Variants in CACNA1C observed in about 807,000 individuals in gnomAD.
The protein encoded by CACNA1C is voltage-dependent L-type calcium channel subunit alpha-1C.
CACNA1C carries 30 observed loss-of-function variants against 229.0 expected under a neutral mutation model. That is an observed-to-expected ratio of 0.13 (90% CI 0.10 to 0.18). The LOEUF (loss-of-function observed/expected upper bound fraction) is 0.18. CACNA1C is among the 10% of genes least tolerant of loss of function. CACNA1C has a pLI of 1.00. For synonymous variants in CACNA1C, 1,114 were observed against 1,132.5 expected, an observed-to-expected ratio of 0.98 and a Z score of 0.33; for missense variants, 1,658 against 2,845.0, an observed-to-expected ratio of 0.58 and a Z score of 9.49.
In CACNA1C at chr12:2,696,562, T is replaced by C. The variant is rs1378745070; in HGVS notation, c.*5363T>C. 6.6e-6 allele frequency: 1 copy of C among 151,600 alleles called. No individual in the cohort carries two copies. The highest frequency in any genetic ancestry group is 1.5e-5 in the Non-Finnish European group (1 of 67,956). The allele number at this position is 151,600 out of a possible 1,614,324, so 9.4% of individuals were successfully genotyped here. ...AATCAGACATACATTGTACATTCAT[T>C]TCTAAAATTCACTCATGCACCTCAA... On this transcript the variant is annotated 3_prime_UTR_variant, in exon 47 of 47. Coordinates refer to ENST00000399655, the MANE Select transcript of CACNA1C (RefSeq NM_000719.7).
intron 1 of CACNA1C, among the ~76,000 whole-genome samples, chr12:2,044,782 T>C (rs552809872): frequency 5.9e-5 from 9 of 152,156 alleles, no homozygotes; most frequent in South Asian, 4.1e-4. Context: ...CCAAATGTCA[T>C]ATCAAGGAAA....
At chr12:2,141,305 G>A (rs1234593346) in intron 3 of CACNA1C, among the ~76,000 whole-genome samples, 3 of 151,324 alleles carry the variant, frequency 2.0e-5, no homozygotes, top group Admixed American at 6.6e-5. Flanking sequence ...AGGTAGCAGA[G>A]ATAGGCGAGG....
At chr12:2,430,578 G>A (rs1040459447) in intron 3 of CACNA1C, among the ~76,000 whole-genome samples, 14 of 151,652 alleles carry the variant, frequency 9.2e-5, no homozygotes, top group Non-Finnish European at 1.8e-4. Flanking sequence ...GAGGTGGTGG[G>A]GGGGTCCGAG....
chr12:2,400,073 A>G (rs73037258), intron 3 of CACNA1C, among the ~76,000 whole-genome samples: 11,716 of 152,200 alleles, frequency 0.077, 583 homozygotes, highest in African/African-American at 0.14. Flanking sequence ...CTAAAACTAT[A>G]TCACCAACAG....
intron 3 of CACNA1C, among the ~76,000 whole-genome samples, chr12:2,310,184 C>T (rs2095343236): frequency 6.6e-6 from 1 of 151,974 alleles, no homozygotes; most frequent in Non-Finnish European, 1.5e-5. Context: ...TATTATTACA[C>T]ACAAGGAAAC....
chr12:2,399,289 C>G (rs2098641701), intron 3 of CACNA1C, among the ~76,000 whole-genome samples: 1 of 152,152 alleles, frequency 6.6e-6, no homozygotes, highest in South Asian at 2.1e-4. Flanking sequence ...AATGTTAAAC[C>G]AGGTCAGTGG....
intron 3 of CACNA1C, among the ~76,000 whole-genome samples, chr12:2,201,016 G>A (rs775144362): frequency 5.3e-5 from 8 of 152,102 alleles, no homozygotes; most frequent in Non-Finnish European, 8.8e-5. Flanking sequence ...GCAATATCTC[G>A]TTTTTTGGAA....
intron 3 of CACNA1C, among the ~76,000 whole-genome samples, chr12:2,412,504 C>T (rs1406831200): frequency 6.6e-6 from 1 of 152,208 alleles, no homozygotes; most frequent in Non-Finnish European, 1.5e-5. Context: ...CAGGCGCCCC[C>T]GCGGCCAGAG....
In CACNA1C at chr12:2,681,848, T is replaced by C. The variant is rs1603452665; in HGVS notation, c.5445-702T>C. On this transcript the variant is annotated intron_variant, in intron 42 of 46. Coordinates refer to ENST00000399655, the MANE Select transcript of CACNA1C (RefSeq NM_000719.7). Reference sequence around the variant, plus strand: ...GATAAAGTGGGCCCAGCATGCAAGGTCTATAGAAAGCAAGACAAAGGGAGG... The same window carrying C: ...GATAAAGTGGGCCCAGCATGCAAGGCCTATAGAAAGCAAGACAAAGGGAGG... The C allele has an allele frequency of 4.0e-6, 3 of 746,668 alleles. No individual in the cohort carries two copies. The East Asian group carries it at 7.4e-5, about 18-fold the overall frequency. The allele number at this position is 746,668 out of a possible 1,614,324, so 46.3% of individuals were successfully genotyped here.
intron 3 of CACNA1C, among the ~76,000 whole-genome samples, chr12:2,252,360 T>C (rs928621701): frequency 6.6e-6 from 1 of 152,136 alleles, no homozygotes; most frequent in African/African-American, 2.4e-5. Flanking sequence ...CTGGCCACAG[T>C]CAAAGGCTTC....
In CACNA1C at chr12:2,566,656, C is replaced by T; in HGVS notation, c.1669+74C>T. ...CCCAAGGCCCAGGGGAGGGCATAACCACAGGCAGAAGGTGGAGGGGAAAGC... is the reference window on the plus strand; with the variant it reads ...CCCAAGGCCCAGGGGAGGGCATAACTACAGGCAGAAGGTGGAGGGGAAAGC... On this transcript the variant is annotated intron_variant, in intron 12 of 46. Transcript: ENST00000399655. The surrounding 1 kb of genome is among the most constrained non-coding windows in gnomAD (Gnocchi z 4.0). 7.6e-7 allele frequency: 1 copy of T among 1,309,634 alleles called. No individual in the cohort carries two copies. The highest frequency in any genetic ancestry group is 1.1e-6 in the Non-Finnish European group (1 of 949,752). The allele number at this position is 1,309,634 out of a possible 1,614,324, so 81.1% of individuals were successfully genotyped here.
At chr12:2,149,677 C>T (rs568644962) in intron 3 of CACNA1C, among the ~76,000 whole-genome samples, 7 of 152,228 alleles carry the variant, frequency 4.6e-5, no homozygotes, top group African/African-American at 1.2e-4. Flanking sequence ...AAATGCAGGG[C>T]GAGAGAAATT....
At chr12:2,497,338 G>A (rs2099748733) in intron 7 of CACNA1C, among the ~76,000 whole-genome samples, 2 of 152,208 alleles carry the variant, frequency 1.3e-5, no homozygotes, top group South Asian at 2.1e-4. Context: ...CACTTGAGAT[G>A]AGGCCCCTGC....
At chr12:2,317,370 T>A (rs1481774094) in intron 3 of CACNA1C, among the ~76,000 whole-genome samples, 1 of 152,180 alleles carries the variant, frequency 6.6e-6, no homozygotes, top group East Asian at 1.9e-4. Flanking sequence ...CTCGAGGACA[T>A]GACGCGAAGA....
chr12:2,515,012 A>G (rs938289337), intron 9 of CACNA1C, among the ~76,000 whole-genome samples: 8 of 152,204 alleles, frequency 5.3e-5, no homozygotes, highest in Non-Finnish European at 1.2e-4. Flanking sequence ...CTAAGCCTAG[A>G]TAAGGATGGC....
intron 3 of CACNA1C, among the ~76,000 whole-genome samples, chr12:2,263,315 C>A (rs942307116): frequency 6.6e-6 from 1 of 151,710 alleles, no homozygotes; most frequent in Admixed American, 6.6e-5. Flanking sequence ...GGGCCAGGTG[C>A]GGAGGCCCTC....
At chr12:2,016,665 G>A (rs2045434209) in intron 1 of CACNA1C, among the ~76,000 whole-genome samples, 1 of 152,128 alleles carries the variant, frequency 6.6e-6, no homozygotes, top group African/African-American at 2.4e-5. Context: ...CCTGATCTCA[G>A]GTGATCCGCT....
intron 9 of CACNA1C, among the ~76,000 whole-genome samples, chr12:2,538,383 G>C (rs1292410482): frequency 6.6e-6 from 1 of 152,222 alleles, no homozygotes; most frequent in East Asian, 1.9e-4. Context: ...GAAGCTGATG[G>C]CACCTTTCTC....
At chr12:2,643,269 G>A (rs1041691294) in intron 30 of CACNA1C, among the ~76,000 whole-genome samples, 5 of 152,214 alleles carry the variant, frequency 3.3e-5, no homozygotes, top group African/African-American at 1.2e-4. Flanking sequence ...GGTGGCCCGG[G>A]ACAGAGTCCT....
Sources: allele counts gnomAD v4.1 joint callset (sites outside exome capture counted in the v4.1 genomes callset), GRCh38; gene constraint gnomAD v4.1.1; non-coding constraint Gnocchi (gnomAD v3.1); transcripts MANE v1.5; gene names NCBI Gene and HGNC (gene_info 2026-07-23, HGNC 2026-07-21).